Variants in RBFOX1 observed in about 807,000 individuals in gnomAD.
The protein encoded by RBFOX1 is RNA binding fox-1 homolog 1, also known as RNA binding protein fox-1 homolog 1.
RBFOX1 carries 8 observed loss-of-function variants against 57.7 expected under a neutral mutation model. The observed-to-expected ratio is 0.14, with a 90% CI of 0.08 to 0.25. RBFOX1 has a LOEUF of 0.25. Ranked by LOEUF, RBFOX1 falls within the 10% of genes least tolerant of loss-of-function variation. The pLI is 1.00. For synonymous variants in RBFOX1, 326 were observed against 222.4 expected, an observed-to-expected ratio of 1.47 and a Z score of -4.15; for missense variants, 611 against 548.5, an observed-to-expected ratio of 1.11 and a Z score of -1.14.
intron 4 of RBFOX1, among the ~76,000 whole-genome samples, chr16:7,233,058 T>C (rs2093590834): frequency 6.6e-6 from 1 of 152,162 alleles, no homozygotes; most frequent in Non-Finnish European, 1.5e-5. Flanking sequence ...TTGCTTGCTC[T>C]TGATGTTCCC....
chr16:7,205,486 C>T (rs1253310344), intron 4 of RBFOX1, among the ~76,000 whole-genome samples: 1 of 148,300 alleles, frequency 6.7e-6, no homozygotes, highest in Non-Finnish European at 1.5e-5. Flanking sequence ...GCACTCCAGC[C>T]TGGGTGATAG....
intron 4 of RBFOX1, among the ~76,000 whole-genome samples, chr16:7,187,543 G>T (rs2084179923): frequency 6.6e-6 from 1 of 151,400 alleles, no homozygotes; most frequent in South Asian, 2.1e-4. Flanking sequence ...CAAAAAATTA[G>T]CCAGGCGTGG....
At chr16:5,953,545 T>G (rs1311269388) in intron 4 of RBFOX1, among the ~76,000 whole-genome samples, 1 of 152,100 alleles carries the variant, frequency 6.6e-6, no homozygotes, top group Non-Finnish European at 1.5e-5. Flanking sequence ...CTTATGCCTT[T>G]GCATCCTCAT....
At chr16:6,238,143 GA>G (rs1054070953) in intron 1 of RBFOX1, among the ~76,000 whole-genome samples, 72 of 151,698 alleles carry the variant, frequency 4.7e-4, no homozygotes, top group African/African-American at 1.6e-3. Context: ...GGGTTGTTGG[GA>G]ATTAGAAATG....
At chr16:6,509,324 A>G (rs1420153747) in intron 2 of RBFOX1, among the ~76,000 whole-genome samples, 1 of 152,192 alleles carries the variant, frequency 6.6e-6, no homozygotes, top group Non-Finnish European at 1.5e-5. Flanking sequence ...AAAATATGGT[A>G]CATATACACA....
intron 3 of RBFOX1, among the ~76,000 whole-genome samples, chr16:6,881,693 G>A (rs763591938): frequency 3.3e-5 from 5 of 152,104 alleles, no homozygotes; most frequent in Admixed American, 6.5e-5. Flanking sequence ...AGACTTCAAC[G>A]TCTTAACGTT....
chr16:7,435,103 A>G (rs769789736), intron 4 of RBFOX1, among the ~76,000 whole-genome samples: 1 of 152,190 alleles, frequency 6.6e-6, no homozygotes, highest in South Asian at 2.1e-4. Context: ...ACTAATGTCT[A>G]CATTTTATTC....
At chr16:6,813,825 G>A (rs1400675881) in intron 3 of RBFOX1, among the ~76,000 whole-genome samples, 4 of 151,898 alleles carry the variant, frequency 2.6e-5, no homozygotes, top group Non-Finnish European at 5.9e-5. Flanking sequence ...GGGAGGAGGC[G>A]CTGTTGATAC....
At chr16:5,760,398 A>T (rs2053551817) in intron 3 of RBFOX1, among the ~76,000 whole-genome samples, 1 of 152,154 alleles carries the variant, frequency 6.6e-6, no homozygotes, top group African/African-American at 2.4e-5. Flanking sequence ...ATACATACAC[A>T]CACACATACA....
intron 4 of RBFOX1, among the ~76,000 whole-genome samples, chr16:7,341,772 C>CTCCT (rs1348022217): frequency 1.2e-5 from 1 of 82,380 alleles, no homozygotes; most frequent in African/African-American, 6.1e-5. Context: ...CCTTCCCTCC[C>CTCCT]TCCCTCCTTC....
intron 1 of RBFOX1, chr16:6,059,199 A>G (rs1309523913): frequency 6.6e-6 from 1 of 152,198 alleles, no homozygotes; most frequent in Non-Finnish European, 1.5e-5. Flanking sequence ...TTTCTCTTGA[A>G]TTCAAGATGT....
At chr16:7,484,699 G>A (rs1046543005) in intron 4 of RBFOX1, among the ~76,000 whole-genome samples, 1 of 152,174 alleles carries the variant, frequency 6.6e-6, no homozygotes, top group East Asian at 1.9e-4. Context: ...CCTGGCCTCA[G>A]GTGATCCGCT....
intron 2 of RBFOX1, among the ~76,000 whole-genome samples, chr16:5,471,718 C>T (rs1285049341): frequency 6.6e-6 from 1 of 152,200 alleles, no homozygotes. Context: ...TACACCTGCT[C>T]TGAGCCCAAG....
intron 3 of RBFOX1, among the ~76,000 whole-genome samples, chr16:6,769,258 T>C (rs1375068806): frequency 1.3e-5 from 2 of 152,204 alleles, no homozygotes; most frequent in East Asian, 1.9e-4. Context: ...CTGCCATCGA[T>C]GTAAGATGAG....
chr16:5,359,519 G>C (rs79746180), intron 1 of RBFOX1, among the ~76,000 whole-genome samples: 1 of 152,172 alleles, frequency 6.6e-6, no homozygotes. Flanking sequence ...ACTGGGGTGC[G>C]ATGGCATCTC....
chr16:7,148,870 T>G (rs982824704), intron 4 of RBFOX1, among the ~76,000 whole-genome samples: 1 of 152,196 alleles, frequency 6.6e-6, no homozygotes, highest in African/African-American at 2.4e-5. Flanking sequence ...ATCACCTTTT[T>G]CATTCTTCCT....
At chr16:6,284,389 T>C (rs2076689689) in intron 1 of RBFOX1, among the ~76,000 whole-genome samples, 1 of 151,978 alleles carries the variant, frequency 6.6e-6, no homozygotes. Flanking sequence ...TTTGAAAGAG[T>C]CACTGTGCTA....
chr16:7,679,791 G>A (rs1025566876), intron 14 of RBFOX1, among the ~76,000 whole-genome samples: 3 of 151,972 alleles, frequency 2.0e-5, no homozygotes, highest in African/African-American at 7.3e-5. Context: ...GAGAGTCTCT[G>A]AATGTTGACC....
At chr16:7,292,553 C>CAT (rs2095812598) in intron 4 of RBFOX1, among the ~76,000 whole-genome samples, 2 of 145,046 alleles carry the variant, frequency 1.4e-5, no homozygotes, top group Admixed American at 1.4e-4. Flanking sequence ...CACACACACA[C>CAT]AAATATATAA....
Sources: allele counts gnomAD v4.1 joint callset (sites outside exome capture counted in the v4.1 genomes callset), GRCh38; gene constraint gnomAD v4.1.1; transcripts MANE v1.5; gene names NCBI Gene and HGNC (gene_info 2026-07-23, HGNC 2026-07-21).